MAS1: variants seen among roughly 807,000 people sequenced by gnomAD.
MAS1 encodes the protein proto-oncogene Mas.
For synonymous variants in MAS1, 163 were observed against 164.2 expected, an observed-to-expected ratio of 0.99 and a Z score of 0.05; for missense variants, 387 against 409.7, an observed-to-expected ratio of 0.94 and a Z score of 0.48.
intron 2 of MAS1, among the ~76,000 whole-genome samples, chr6:159,905,547 G>A (rs369882282): frequency 6.6e-6 from 1 of 152,102 alleles, no homozygotes; most frequent in Non-Finnish European, 1.5e-5. Context: ...CAACCCAAAG[G>A]CTACCTGCTG....
intron 2 of MAS1, among the ~76,000 whole-genome samples, 163 bp downstream of exon 2, chr6:159,899,555 A>G (rs1782798805): frequency 6.6e-6 from 1 of 151,652 alleles, no homozygotes; most frequent in Non-Finnish European, 1.5e-5. Flanking sequence ...GTGAGACCCC[A>G]TCTCTGTAAG....
chr6:159,900,440 T>G (rs1782809156), intron 2 of MAS1, among the ~76,000 whole-genome samples: 1 of 152,200 alleles, frequency 6.6e-6, no homozygotes, highest in Admixed American at 6.5e-5. Flanking sequence ...TCAAGGCATT[T>G]CTCGCCATCT....
intron 2 of MAS1, among the ~76,000 whole-genome samples, chr6:159,903,235 C>T (rs907926603): frequency 2.0e-5 from 3 of 152,132 alleles, no homozygotes; most frequent in African/African-American, 7.2e-5. Context: ...CCCCACTGGG[C>T]TCCAGAGTCC....
intron 1 of MAS1, among the ~76,000 whole-genome samples, chr6:159,895,006 G>A (rs1427904426): frequency 6.6e-6 from 1 of 152,158 alleles, no homozygotes; most frequent in Non-Finnish European, 1.5e-5. Flanking sequence ...TCCATCCTTT[G>A]ATAAATTAAA....
chr6:159,896,352 T>C (rs1352491512), intron 1 of MAS1, among the ~76,000 whole-genome samples: 1 of 152,190 alleles, frequency 6.6e-6, no homozygotes, highest in African/African-American at 2.4e-5. Flanking sequence ...CAGTTAGTGA[T>C]ACTGAAGTCA....
chr6:159,902,055 A>T (rs372793209), intron 2 of MAS1: 1 of 152,194 alleles, frequency 6.6e-6, no homozygotes, highest in South Asian at 2.1e-4. Flanking sequence ...CCTTGAATCT[A>T]GGATGAGCAA....
chr6:159,906,915 T>G lies in MAS1; in HGVS notation c.-36-5T>G, dbSNP rs773844695. ...GTGTTTGTTTTGTTCTGGACATATT[T>G]ACAGAAAATTACCTGAAGAGTTCCA... On this transcript the variant is annotated splice_polypyrimidine_tract_variant and splice_region_variant and intron_variant, in intron 2 of 2. Coordinates refer to ENST00000674077, the MANE Select transcript of MAS1 (RefSeq NM_002377.4). 1.3e-6 allele frequency: 2 copies of G among 1,537,284 alleles called. No homozygotes were observed. The highest frequency in any genetic ancestry group is 4.5e-5 in the East Asian group (2 of 43,982).
In MAS1 at chr6:159,908,053, A is replaced by G; in HGVS notation, c.*120A>G. On this transcript the variant is annotated 3_prime_UTR_variant, in exon 3 of 3. Coordinates refer to ENST00000674077, the MANE Select transcript of MAS1 (RefSeq NM_002377.4). ...CAGAAGAACATCTCATCCCATATGC[A>G]TGAGATACTAATTAATGATGAAATT... 1 of 1,089,738 alleles carries G rather than the reference A, an allele frequency of 9.2e-7. No individual in the cohort carries two copies. Among genetic ancestry groups the G allele is most frequent in the Non-Finnish European group, 1.3e-6 (1 of 772,656 alleles). 67.5% of individuals were successfully genotyped at this position (1,089,738 alleles called of 1,614,324 possible).
upstream of MAS1, among the ~76,000 whole-genome samples, chr6:159,890,382 C>A (rs990020944): frequency 5.3e-5 from 8 of 152,186 alleles, no homozygotes; most frequent in African/African-American, 1.9e-4. Context: ...GCCCCCGGAC[C>A]AGGCTGGGAC....
At position 159,909,795 on chromosome 6, in the gene MAS1, T is replaced by G. The variant is rs1411954491; in HGVS notation, c.*1862T>G. On this transcript the variant is annotated 3_prime_UTR_variant, in exon 3 of 3. Coordinates refer to ENST00000674077, the MANE Select transcript of MAS1 (RefSeq NM_002377.4). Reference sequence around the variant, plus strand: ...TAAAGACTATCAGATACAAGGAATTTCTACCTAAGGAAAATATGGTGAACT... The same window carrying G: ...TAAAGACTATCAGATACAAGGAATTGCTACCTAAGGAAAATATGGTGAACT... 3.3e-5 allele frequency: 5 copies of G among 152,148 alleles called. No homozygotes were observed. The highest frequency in any genetic ancestry group is 7.4e-5 in the Non-Finnish European group (5 of 68,008). 9.4% of individuals were successfully genotyped at this position (152,148 alleles called of 1,614,324 possible).
rs1783037849 is a variant in MAS1 at position 159,917,178 on chromosome 6, A to G, written c.*9245A>G. Among the ~76,000 whole-genome samples, 1 of 152,144 alleles carries G rather than the reference A, an allele frequency of 6.6e-6. No individual in the cohort carries two copies. The highest frequency in any genetic ancestry group is 1.5e-5 in the Non-Finnish European group (1 of 68,028). On this transcript the variant is annotated 3_prime_UTR_variant, in exon 3 of 3. Transcript: ENST00000674077. ...GCAAATCTTCCTTGTTTCCTGGTGG[A>G]TTTAACTTTGCAGAAGGACCAGCAG...
At chr6:159,903,007 C>T (rs942110931) in intron 2 of MAS1, among the ~76,000 whole-genome samples, 3 of 152,142 alleles carry the variant, frequency 2.0e-5, no homozygotes, top group African/African-American at 7.2e-5. Context: ...TTCTTTTCCA[C>T]AGTCACACTC....
chr6:159,889,292 A>T (rs1782671853), upstream of MAS1, among the ~76,000 whole-genome samples: 1 of 152,142 alleles, frequency 6.6e-6, no homozygotes, highest in Non-Finnish European at 1.5e-5. Context: ...TGTTCTGTTG[A>T]CTTACATAAT....
chr6:159,902,059 T>G (rs982554361), intron 2 of MAS1: 8 of 151,834 alleles, frequency 5.3e-5, no homozygotes, highest in African/African-American at 1.9e-4. Context: ...GAATCTAGGA[T>G]GAGCAAGCAG....
At position 159,912,733 on chromosome 6, in the gene MAS1, T is replaced by C. The variant is rs907270258; in HGVS notation, c.*4800T>C. 9 of 152,208 alleles carry C rather than the reference T, an allele frequency of 5.9e-5. No homozygotes were observed. Among genetic ancestry groups the C allele is most frequent in the Non-Finnish European group, 1.2e-4 (8 of 68,036 alleles). 9.4% of individuals were successfully genotyped at this position (152,208 alleles called of 1,614,324 possible). The stretch of plus-strand genomic sequence containing the variant: ...CATCTACAGTTTTGTGGATCAGTCT[T>C]GTGATGCCTGAGAGTCAATGTGCAA... On this transcript the variant is annotated 3_prime_UTR_variant, in exon 3 of 3. Coordinates refer to ENST00000674077, the MANE Select transcript of MAS1 (RefSeq NM_002377.4).
chr6:159,889,474 C>T (rs889171193), upstream of MAS1, among the ~76,000 whole-genome samples: 6 of 152,176 alleles, frequency 3.9e-5, no homozygotes, highest in Non-Finnish European at 8.8e-5. Flanking sequence ...TCATTTCCTT[C>T]GGGATCAATT....
intron 2 of MAS1, among the ~76,000 whole-genome samples, chr6:159,904,488 C>T (rs1223966725): frequency 2.0e-5 from 3 of 152,162 alleles, no homozygotes; most frequent in Non-Finnish European, 4.4e-5. Context: ...GTATCTCTTC[C>T]GTCAGTGAAT....
In MAS1 at chr6:159,916,736, G is replaced by A. The variant is rs976943103; in HGVS notation, c.*8803G>A. On this transcript the variant is annotated 3_prime_UTR_variant, in exon 3 of 3. Coordinates refer to ENST00000674077, the MANE Select transcript of MAS1 (RefSeq NM_002377.4). ...ACCCACCTCAAACCTGTATTTGCAAGTGAGTGCAGACTCCCCTGATTCCAA... is the reference window on the plus strand; with the variant it reads ...ACCCACCTCAAACCTGTATTTGCAAATGAGTGCAGACTCCCCTGATTCCAA... Among the ~76,000 whole-genome samples the A allele has an allele frequency of 5.9e-5, 9 of 152,220 alleles. No homozygotes were observed. The highest frequency in any genetic ancestry group is 2.2e-4 in the African/African-American group (9 of 41,458).
chr6:159,899,107 G>A (rs1782794892), intron 1 of MAS1, 79 bp from the exon 2 acceptor site: 1 of 152,242 alleles, frequency 6.6e-6, no homozygotes, highest in South Asian at 2.1e-4. Flanking sequence ...CCAAAGCTAG[G>A]ATGGAAGGAA....
Sources: allele counts gnomAD v4.1 joint callset (sites outside exome capture counted in the v4.1 genomes callset), GRCh38; gene constraint gnomAD v4.1.1; transcripts MANE v1.5; gene names NCBI Gene and HGNC (gene_info 2026-07-23, HGNC 2026-07-21).